Variants in MYOM1 observed in about 807,000 individuals in gnomAD.
The protein encoded by MYOM1 is myomesin-1.
In MYOM1, 164 loss-of-function variants were observed where a neutral mutation model predicts 205.3. The ratio of observed to expected loss-of-function variants is 0.80; its 90% CI spans 0.70 to 0.91. The LOEUF is 0.91. Ranked by LOEUF, MYOM1 falls within the 40% of genes least tolerant of loss-of-function variation. The probability of loss-of-function intolerance (pLI) is 0.00; values close to 1 mark genes in which losing one functional copy is unlikely to be tolerated. For missense variants in MYOM1, 2,011 were observed against 2,127.3 expected (o/e 0.95, Z 1.08); for synonymous variants, 772 against 789.4 (o/e 0.98, Z 0.37).
intron 19 of MYOM1, among the ~76,000 whole-genome samples, chr18:3,123,072 C>G (rs572189763): frequency 1.3e-5 from 2 of 152,158 alleles, no homozygotes; most frequent in African/African-American, 4.8e-5. Context: ...AGCAATCCAC[C>G]GCCTCAGGCT....
chr18:3,220,542 A>G (rs1423052628), upstream of MYOM1, among the ~76,000 whole-genome samples: 2 of 152,194 alleles, frequency 1.3e-5, no homozygotes, highest in Non-Finnish European at 2.9e-5. Flanking sequence ...GACGCAACTC[A>G]GTGTTTTATC....
chr18:3,221,000 T>C (rs2081324333), upstream of MYOM1, among the ~76,000 whole-genome samples: 1 of 152,174 alleles, frequency 6.6e-6, no homozygotes, highest in Admixed American at 6.5e-5. Flanking sequence ...ATCAACTGAA[T>C]AAAGGTCACC....
intron 10 of MYOM1, among the ~76,000 whole-genome samples, chr18:3,158,675 G>A (rs2080337021): frequency 6.6e-6 from 1 of 151,940 alleles, no homozygotes; most frequent in Admixed American, 6.6e-5. Flanking sequence ...GTGCAGTGAG[G>A]CAATCATAGT....
the MYOM1 span, chr18:3,246,778 T>A: frequency 6.6e-6 from 1 of 152,278 alleles, no homozygotes; most frequent in South Asian, 2.1e-4. Flanking sequence ...CCCCTAGTGC[T>A]GGGATGACGG....
chr18:3,168,767 C>G, intron 9 of MYOM1, 50 bp downstream of exon 9: 1 of 1,598,180 alleles, frequency 6.3e-7, no homozygotes, highest in Non-Finnish European at 8.6e-7. Flanking sequence ...GCAATCTGGT[C>G]TACAACCTTC....
intron 33 of MYOM1, among the ~76,000 whole-genome samples, chr18:3,083,427 CTT>C (rs35959808): frequency 4.1e-5 from 4 of 98,522 alleles, no homozygotes; most frequent in East Asian, 3.0e-4. Flanking sequence ...TTTTCTTTTT[CTT>C]TTTTTTTTTT....
At position 3,179,384 on chromosome 18, in the gene MYOM1, CT is replaced by C. The variant is rs573002491; in HGVS notation, c.930-3251del. ...TATTTTAAATAAATAGCGATGAGGT[CT>C]CACTATGTTGCTCAAGTTGGTCTCA... On this transcript the variant is annotated intron_variant, in intron 5 of 37. Coordinates refer to ENST00000356443, the MANE Select transcript of MYOM1 (RefSeq NM_003803.4). This position sits in a 1 kb window ranked among gnomAD's most constrained non-coding sequence, Gnocchi z 4.4. 4.6e-5 allele frequency among the ~76,000 whole-genome samples: 7 copies of C among 152,264 alleles called. No individual in the cohort carries two copies. In the East Asian group the frequency reaches 1.3e-3, roughly 29 times the overall value.
intron 11 of MYOM1, among the ~76,000 whole-genome samples, chr18:3,153,590 G>T (rs1357075351): frequency 6.6e-6 from 1 of 152,082 alleles, no homozygotes; most frequent in Non-Finnish European, 1.5e-5. Flanking sequence ...GCACAAAAAA[G>T]AATATATCTA....
intron 2 of MYOM1, among the ~76,000 whole-genome samples, chr18:3,200,903 AAC>A (rs561258283): frequency 1.3e-3 from 194 of 152,314 alleles, no homozygotes; most frequent in African/African-American, 4.3e-3. Flanking sequence ...CAAGTAGAAT[AAC>A]ACAGAAAAAG....
intron 23 of MYOM1, among the ~76,000 whole-genome samples, chr18:3,101,208 C>A (rs1203172569): frequency 6.6e-6 from 1 of 152,122 alleles, no homozygotes; most frequent in Admixed American, 6.6e-5. Context: ...CATTCTACAG[C>A]AAAATTGCTA....
At chr18:3,156,364 T>C (rs1358636527) in intron 10 of MYOM1, among the ~76,000 whole-genome samples, 5 of 152,228 alleles carry the variant, frequency 3.3e-5, no homozygotes, top group African/African-American at 1.2e-4. Flanking sequence ...TTTGATAACA[T>C]AGCAGAAATA....
intron 16 of MYOM1, among the ~76,000 whole-genome samples, chr18:3,133,746 G>C (rs1399567712): frequency 1.3e-5 from 2 of 152,208 alleles, no homozygotes; most frequent in Admixed American, 6.5e-5. Flanking sequence ...TACAATAGTT[G>C]GCATTATGTG....
chr18:3,112,010 G>C (rs748252055), intron 22 of MYOM1, among the ~76,000 whole-genome samples: 1 of 152,180 alleles, frequency 6.6e-6, no homozygotes, highest in Non-Finnish European at 1.5e-5. Flanking sequence ...TTCCAGGAAT[G>C]AATGCTTGGA....
At chr18:3,204,892 G>C (rs1228560108) in intron 2 of MYOM1, among the ~76,000 whole-genome samples, 1 of 152,020 alleles carries the variant, frequency 6.6e-6, no homozygotes, top group African/African-American at 2.4e-5. Flanking sequence ...AGAATTGATA[G>C]TCCAGAAATA....
In MYOM1 at chr18:3,136,974, G is replaced by A. The variant is rs370300394; in HGVS notation, c.2026-1244C>T. ...TTTTTTCTTTTTTTTTTTTTGAGAC[G>A]GAGTCTCGCTGGGTCGCCCAGGCTG... On this transcript the variant is annotated intron_variant, in intron 14 of 37. Coordinates refer to ENST00000356443, the MANE Select transcript of MYOM1 (RefSeq NM_003803.4). Among the ~76,000 whole-genome samples, 369 of 147,780 alleles carry A rather than the reference G, an allele frequency of 2.5e-3. 1 individual carries two copies. Among genetic ancestry groups the A allele is most frequent in the African/African-American group, 7.9e-3 (315 of 39,962 alleles).
At chr18:3,160,817 A>C (rs1200522752) in intron 10 of MYOM1, among the ~76,000 whole-genome samples, 8 of 152,190 alleles carry the variant, frequency 5.3e-5, no homozygotes, top group African/African-American at 1.7e-4. Context: ...TGGCTTAAGT[A>C]TAAATTTTAA....
intron 6 of MYOM1, 90 bp from the exon 7 acceptor site, chr18:3,174,298 C>A: frequency 9.0e-7 from 1 of 1,114,998 alleles, no homozygotes; most frequent in South Asian, 1.4e-5. Context: ...GCTATCACAG[C>A]CCCCTGCAAA....
chr18:3,181,954 G>A (rs946271949), intron 5 of MYOM1, among the ~76,000 whole-genome samples: 5 of 152,064 alleles, frequency 3.3e-5, no homozygotes, highest in Admixed American at 6.6e-5. Flanking sequence ...GGCTGGTCTC[G>A]AACTCTGGAC....
intron 5 of MYOM1, among the ~76,000 whole-genome samples, chr18:3,185,931 C>T (rs537535690): frequency 1.3e-5 from 2 of 152,326 alleles, no homozygotes; most frequent in East Asian, 3.9e-4. Context: ...AGCGCTGGCT[C>T]ACTCCGGTAG....
Sources: gnomAD v4.1 joint callset for allele counts (sites outside exome capture counted in the v4.1 genomes callset) on GRCh38, gnomAD v4.1.1 for gene constraint, Gnocchi (gnomAD v3.1) non-coding constraint, MANE v1.5 for transcripts, NCBI Gene and HGNC (gene_info 2026-07-23, HGNC 2026-07-21) for gene names.